SLC49A3: variants seen among roughly 807,000 people sequenced by gnomAD.
SLC49A3 encodes solute carrier family 49 member 3.
SLC49A3 carries 50 observed loss-of-function variants against 43.8 expected under a neutral mutation model. That is an observed-to-expected ratio of 1.14 (90% CI 0.91 to 1.45). The LOEUF (loss-of-function observed/expected upper bound fraction) is 1.45, where lower values mean the gene tolerates loss of function less well. SLC49A3 is among the 40% of genes most tolerant of loss of function. The pLI is 0.00. For synonymous variants in SLC49A3, 413 were observed against 352.0 expected (o/e 1.17, Z -1.94); for missense variants, 906 against 774.1 (o/e 1.17, Z -2.02).
At chr4:691,024 C>G (rs888250850), upstream of SLC49A3, among the ~76,000 whole-genome samples, 1 of 152,224 alleles carries the variant, frequency 6.6e-6, no homozygotes, top group East Asian at 1.9e-4. Flanking sequence ...CGGTGGCTCA[C>G]GCCTGTAATC....
At chr4:679,695 C>T (rs1463544440), downstream of SLC49A3, among the ~76,000 whole-genome samples, 2 of 152,322 alleles carry the variant, frequency 1.3e-5, no homozygotes, top group Admixed American at 6.5e-5. Context: ...GTGTCACCTC[C>T]CTCTCCCTCA....
downstream of SLC49A3, chr4:681,808 A>G: frequency 1.6e-6 from 2 of 1,221,204 alleles, no homozygotes; most frequent in Non-Finnish European, 2.1e-6. Context: ...CCCGCGGCGC[A>G]GAAACCACAC....
chr4:684,411 G>A (rs1017420005), intron 6 of SLC49A3, 72 bp downstream of exon 6: 31 of 1,581,128 alleles, frequency 2.0e-5, no homozygotes, highest in Non-Finnish European at 2.6e-5. Context: ...GCACCCTGGA[G>A]GCGGCGGTGA....
At chr4:680,630 C>A (rs1265759157), downstream of SLC49A3, 5 of 1,589,404 alleles carry the variant, frequency 3.1e-6, no homozygotes, top group African/African-American at 6.7e-5. Context: ...TCCGGGGAAC[C>A]CCAGTGATCT....
At chr4:677,811 T>C, downstream of SLC49A3, 1 of 700,842 alleles carries the variant, frequency 1.4e-6, no homozygotes, top group South Asian at 1.7e-5. Flanking sequence ...CTGGGGAGGC[T>C]GGGGGCCTTG....
intron 1 of SLC49A3, among the ~76,000 whole-genome samples, chr4:687,016 T>C (rs1741182785): frequency 6.6e-6 from 1 of 152,194 alleles, no homozygotes; most frequent in African/African-American, 2.4e-5. Flanking sequence ...AAGGTGGGCG[T>C]GACGGGGTCT....
At chr4:687,228 T>G (rs1286423108) in intron 1 of SLC49A3, 1 of 153,018 alleles carries the variant, frequency 6.5e-6, no homozygotes, top group East Asian at 1.9e-4. Flanking sequence ...GGGGAAGGCC[T>G]CCTAGGAGAG....
chr4:689,132 G>C lies in SLC49A3; in HGVS notation c.-5C>G, dbSNP rs1394612405. On this transcript the variant is annotated 5_prime_UTR_variant, in exon 1 of 10. Transcript: ENST00000322224. ...GGCCTCCGTCGGCCCCGCCATCGTC[G>C]GCGGCCTCCACGGGTCTCCGCCGGT... 7.3e-7 allele frequency: 1 copy of C among 1,376,220 alleles called. No individual in the cohort carries two copies. Among genetic ancestry groups the C allele is most frequent in the Non-Finnish European group, 9.3e-7 (1 of 1,072,336 alleles). 85.3% of individuals were successfully genotyped at this position (1,376,220 alleles called of 1,614,324 possible).
At chr4:680,415 G>T (rs1739339340), downstream of SLC49A3, 2 of 1,293,058 alleles carry the variant, frequency 1.5e-6, no homozygotes, top group African/African-American at 1.5e-5. Flanking sequence ...GTCTCCCCCT[G>T]CTTGGGGCAG....
chr4:684,651 C>T, intron 5 of SLC49A3, 52 bp from the exon 6 acceptor site: 1 of 1,609,910 alleles, frequency 6.2e-7, no homozygotes, highest in South Asian at 1.1e-5. Flanking sequence ...TTCCCAAACC[C>T]ATCGCCTCCT....
At chr4:687,206 C>T (rs144724828) in intron 1 of SLC49A3, 269 of 153,528 alleles carry the variant, frequency 1.8e-3, no homozygotes, top group Middle Eastern at 6.7e-3. Context: ...CACAAGTGCA[C>T]GCTGCGGCCG....
chr4:682,443 G>C (rs1208726149), intron 9 of SLC49A3, 67 bp from the exon 10 acceptor site: 1 of 1,290,480 alleles, frequency 7.7e-7, no homozygotes, highest in Non-Finnish European at 9.9e-7. Flanking sequence ...AGAGCCCAAT[G>C]CTGGCCTATG....
upstream of SLC49A3, chr4:689,450 G>A: frequency 4.7e-6 from 1 of 211,304 alleles, no homozygotes; most frequent in East Asian, 1.1e-4. Flanking sequence ...AGCAGGAAAG[G>A]CGGCCTGGAA....
chr4:686,206 C>G lies in SLC49A3; in HGVS notation c.391G>C (p.Gly131Arg). ...GTQNPFAFLM[G>R]GQSLCALAQS... is the part of the protein sequence containing the mutation. ...GCAAGGGCACAGAGGCTCTGGCCAC[C>G]CATGAGGAAGGCAAATGGGTTTTGG... is the stretch of plus-strand genomic sequence containing the variant. The change falls in exon 3 of 10, where the codon GGT becomes CGT. Residue 131 changes from glycine to arginine, a missense_variant. Physicochemically the swap from Gly to Arg is moderately radical, Grantham distance 125 (BLOSUM62 -2). Transcript: ENST00000322224. The G allele has an allele frequency of 1.2e-6, 2 of 1,613,596 alleles. No homozygotes were observed. Among genetic ancestry groups the G allele is most frequent in the Non-Finnish European group, 1.7e-6 (2 of 1,180,028 alleles).
Position 685,694 on chromosome 4 carries a change from A to T in SLC49A3, c.585+141T>A, listed in dbSNP as rs1740855019. 3.6e-6 allele frequency: 3 copies of T among 843,498 alleles called. No individual in the cohort carries two copies. Among genetic ancestry groups the T allele is most frequent in the African/African-American group, 1.7e-5 (1 of 59,240 alleles). The allele number at this position is 843,498 out of a possible 1,614,324, so 52.3% of individuals were successfully genotyped here. On this transcript the variant is annotated intron_variant, in intron 4 of 9. Transcript: ENST00000322224. This position sits in a 1 kb window ranked among gnomAD's most constrained non-coding sequence, Gnocchi z 4.3. ...GCAATTCAGCCTGAGCGACAGGCTG[A>T]GACTCCTTCTCGGGTGGCGGGGCGG...
downstream of SLC49A3, chr4:677,061 T>C (rs1738913713): frequency 2.9e-6 from 1 of 346,514 alleles, no homozygotes; most frequent in Non-Finnish European, 4.1e-6. Context: ...TCCCACCTGC[T>C]GTTGTGGCTG....
At chr4:690,215 A>ATT (rs34714607), upstream of SLC49A3, among the ~76,000 whole-genome samples, 2,913 of 144,724 alleles carry the variant, frequency 0.02, 36 homozygotes, top group South Asian at 0.042. Context: ...CCACTTTGGG[A>ATT]TTTTTTTTTT....
At position 683,243 on chromosome 4, in the gene SLC49A3, T is replaced by A. The variant is rs1740197557; in HGVS notation, c.1118A>T (p.Glu373Val). 6.2e-7 allele frequency: 1 copy of A among 1,611,752 alleles called. No homozygotes were observed. The highest frequency in any genetic ancestry group is 1.3e-5 in the African/African-American group (1 of 74,526). Residue 373 changes from glutamate to valine, a missense_variant, in exon 8 of 10, where the codon GAG becomes GTG. Physicochemically the swap from Glu to Val is moderately radical, Grantham distance 121 (BLOSUM62 -2). Transcript: ENST00000322224. ...LAVECSFPVG[E>V]GAATGMIFVL... Reference sequence around the variant, plus strand: ...AAAGATCATGCCTGTGGCAGCCCCCTCCCCCACGGGGAAGGAACACTCGAC... The same window carrying A: ...AAAGATCATGCCTGTGGCAGCCCCCACCCCCACGGGGAAGGAACACTCGAC...
chr4:684,174 A>G (rs1220177004), intron 6 of SLC49A3, among the ~76,000 whole-genome samples: 19 of 152,178 alleles, frequency 1.2e-4, no homozygotes, highest in Non-Finnish European at 2.9e-5. Flanking sequence ...CTGCAGACCC[A>G]CAGGGGCGGG....
Sources: allele counts gnomAD v4.1 joint callset (sites outside exome capture counted in the v4.1 genomes callset), GRCh38; gene constraint gnomAD v4.1.1; non-coding constraint Gnocchi (gnomAD v3.1); transcripts MANE v1.5; gene names NCBI Gene and HGNC (gene_info 2026-07-23, HGNC 2026-07-21).